CD244: variants seen among roughly 807,000 people sequenced by gnomAD.
The protein encoded by CD244 is CD244 molecule.
CD244 carries 20 observed loss-of-function variants against 45.5 expected under a neutral mutation model. The ratio of observed to expected loss-of-function variants is 0.44; its 90% CI spans 0.31 to 0.64. The LOEUF is 0.64. Among genes scored for constraint, CD244 ranks in the 30% least tolerant of loss-of-function variants. The probability of loss-of-function intolerance (pLI) is 0.08; values close to 1 mark genes in which losing one functional copy is unlikely to be tolerated. For missense variants in CD244, 407 were observed against 426.9 expected, an observed-to-expected ratio of 0.95 and a Z score of 0.41; for synonymous variants, 185 against 160.5, an observed-to-expected ratio of 1.15 and a Z score of -1.15.
intron 1 of CD244, among the ~76,000 whole-genome samples, chr1:160,844,816 G>A (rs527252386): frequency 4.6e-5 from 7 of 151,934 alleles, no homozygotes; most frequent in African/African-American, 9.7e-5. Context: ...CTCTACTAAC[G>A]ATACAAAAAT....
intron 1 of CD244, among the ~76,000 whole-genome samples, chr1:160,861,975 C>T (rs1468314910): frequency 1.3e-5 from 2 of 152,232 alleles, no homozygotes; most frequent in Non-Finnish European, 2.9e-5. Context: ...CTGGGATCCC[C>T]AGGAGTAAAT....
At position 160,838,998 on chromosome 1, in the gene CD244, A is replaced by G. The variant is rs778348922; in HGVS notation, c.707T>C (p.Phe236Ser). The part of the protein sequence containing the change: ...LVIIVILSAL[F>S]LGTLACFCVW... ...ACAGAAGCAGGCAAGGGTGCCAAGG[A>G]ACAGTGCGCTTAGAATCACGATGAT... is the stretch of plus-strand genomic sequence containing the variant. The change falls in exon 4 of 9, where the codon TTC (phenylalanine) becomes TCC (serine). Residue 236 changes from phenylalanine (F) to serine (S), a missense_variant. By Grantham distance (155) the Phe-to-Ser change is radical. Transcript: ENST00000368034. 5.0e-6 allele frequency: 8 copies of G among 1,614,030 alleles called. No homozygotes were observed. The highest frequency in any genetic ancestry group is 1.7e-5 in the Admixed American group (1 of 59,996).
chr1:160,836,037 C>G (rs1669319510), intron 6 of CD244, among the ~76,000 whole-genome samples, 158 bp downstream of exon 6: 1 of 150,062 alleles, frequency 6.7e-6, no homozygotes, highest in Non-Finnish European at 1.5e-5. Context: ...TCACACGGAT[C>G]TTTTCAAATA....
intron 1 of CD244, among the ~76,000 whole-genome samples, chr1:160,859,148 G>T (rs1007663260): frequency 6.6e-6 from 1 of 152,154 alleles, no homozygotes; most frequent in Non-Finnish European, 1.5e-5. Flanking sequence ...GGAGGTATTT[G>T]AGCAAAACTC....
chr1:160,846,443 A>G (rs1669743376), intron 1 of CD244, among the ~76,000 whole-genome samples: 1 of 152,194 alleles, frequency 6.6e-6, no homozygotes, highest in Non-Finnish European at 1.5e-5. Flanking sequence ...GAAGCAGGTG[A>G]ATCAGTTGAG....
chr1:160,842,644 G>T (rs142859095), intron 1 of CD244, among the ~76,000 whole-genome samples: 4 of 152,036 alleles, frequency 2.6e-5, no homozygotes, highest in South Asian at 2.1e-4. Context: ...ATCCTCTCTC[G>T]TGGCACTTGG....
intron 7 of CD244, among the ~76,000 whole-genome samples, chr1:160,833,552 A>T (rs982193916): frequency 6.6e-6 from 1 of 152,210 alleles, no homozygotes; most frequent in Non-Finnish European, 1.5e-5. Flanking sequence ...GTGCAAAAGG[A>T]TGGGTTGCCT....
intron 3 of CD244, among the ~76,000 whole-genome samples, chr1:160,840,147 T>TA (rs1159374463): frequency 6.6e-6 from 1 of 150,474 alleles, no homozygotes; most frequent in Non-Finnish European, 1.5e-5. Flanking sequence ...TTTTTTTTTT[T>TA]AAATAGAGAT....
intron 7 of CD244, among the ~76,000 whole-genome samples, chr1:160,833,245 A>G (rs991899609): frequency 7.9e-5 from 12 of 152,280 alleles, no homozygotes; most frequent in African/African-American, 2.6e-4. Context: ...ATGGGATCCA[A>G]GTAGGTTGAA....
chr1:160,845,870 GA>G (rs906267137), intron 1 of CD244, among the ~76,000 whole-genome samples: 2 of 145,656 alleles, frequency 1.4e-5, no homozygotes, highest in South Asian at 2.2e-4. Context: ...AAAAAAAAAA[GA>G]AAAAAAACAA....
intron 5 of CD244, among the ~76,000 whole-genome samples, chr1:160,837,281 C>T (rs1669367091): frequency 6.6e-6 from 1 of 152,166 alleles, no homozygotes; most frequent in Non-Finnish European, 1.5e-5. Flanking sequence ...GTCTCCTAAT[C>T]TCAAGTCATC....
intron 1 of CD244, among the ~76,000 whole-genome samples, chr1:160,854,324 A>G (rs1571117944): frequency 6.6e-6 from 1 of 152,300 alleles, no homozygotes; most frequent in East Asian, 1.9e-4. Context: ...GTTCTCTGCT[A>G]TTATAAAACT....
At chr1:160,860,048 A>G (rs976457474) in intron 1 of CD244, among the ~76,000 whole-genome samples, 13 of 152,096 alleles carry the variant, frequency 8.5e-5, no homozygotes, top group Non-Finnish European at 1.6e-4. Flanking sequence ...CTCCACCAAA[A>G]ATACAAAAAT....
At chr1:160,842,135 T>C (rs1181194886) in intron 1 of CD244, among the ~76,000 whole-genome samples, 1 of 152,226 alleles carries the variant, frequency 6.6e-6, no homozygotes, top group East Asian at 1.9e-4. Flanking sequence ...GTACTTACTA[T>C]GTGACAGGCA....
Position 160,861,780 on chromosome 1 carries a change from T to C in CD244, c.61+837A>G, listed in dbSNP as rs539679411. Among the ~76,000 whole-genome samples the C allele has an allele frequency of 2.2e-4, 33 of 152,208 alleles. No homozygotes were observed. In the South Asian group the frequency reaches 6.6e-3, roughly 31 times the overall value. ...TGAACCCGGGAGGCAGAGTTTGTAG[T>C]GAGCCAAGATCACGCCACTGCACTC... On this transcript the variant is annotated intron_variant, in intron 1 of 8. Coordinates refer to ENST00000368034, the MANE Select transcript of CD244 (RefSeq NM_016382.4).
rs1417797556 is a variant in CD244, at chr1:160,834,121, TGAGAA to T, written c.895-10_895-6del. The T allele has an allele frequency of 1.3e-6, 2 of 1,584,156 alleles. No individual in the cohort carries two copies. Among genetic ancestry groups the T allele is most frequent in the Non-Finnish European group, 8.7e-7 (1 of 1,152,742 alleles). ...TTGTGACGTGGGAGCAGAAGACTAA[TGAGAA>T]GAGAAATAAAATCATTTCAGAAGCA... is the stretch of plus-strand genomic sequence containing the variant. On this transcript the variant is annotated splice_region_variant and splice_polypyrimidine_tract_variant and intron_variant, in intron 6 of 8. Transcript: ENST00000368034.
chr1:160,841,045 A>G (rs1557835111), intron 3 of CD244, among the ~76,000 whole-genome samples, 165 bp downstream of exon 3: 1 of 152,216 alleles, frequency 6.6e-6, no homozygotes, highest in Non-Finnish European at 1.5e-5. Flanking sequence ...GCCTAGCTTT[A>G]CAGGAACTGT....
chr1:160,848,341 G>T, intron 1 of CD244: 1 of 592,206 alleles, frequency 1.7e-6, no homozygotes. Flanking sequence ...ATAGTTCCCA[G>T]TTTTTCATCT....
intron 3 of CD244, 48 bp downstream of exon 3, chr1:160,841,162 G>C: frequency 6.3e-7 from 1 of 1,581,306 alleles, no homozygotes; most frequent in African/African-American, 1.3e-5. Flanking sequence ...GCCTGGTTGC[G>C]GGGTCCAAAC....
Sources: allele counts gnomAD v4.1 joint callset (sites outside exome capture counted in the v4.1 genomes callset), GRCh38; gene constraint gnomAD v4.1.1; transcripts MANE v1.5; gene names NCBI Gene and HGNC (gene_info 2026-07-23, HGNC 2026-07-21).